Variants in SVIL observed in about 807,000 individuals in gnomAD.
The protein encoded by SVIL is archvillin.
Under a neutral mutation model 240.4 loss-of-function variants are expected in SVIL, and 101 were observed. The observed-to-expected ratio is 0.42, with a 90% CI of 0.36 to 0.50. The LOEUF (loss-of-function observed/expected upper bound fraction) is 0.50. Among genes scored for constraint, SVIL ranks in the 20% least tolerant of loss-of-function variants. The probability of loss-of-function intolerance (pLI) is 0.01; values close to 1 mark genes in which losing one functional copy is unlikely to be tolerated. For synonymous variants in SVIL, 999 were observed against 1,100.0 expected (o/e 0.91, Z 1.82); for missense variants, 2,512 against 2,818.7 (o/e 0.89, Z 2.46).
At chr10:29,474,560 A>G (rs922163290) in intron 29 of SVIL, among the ~76,000 whole-genome samples, 7 of 151,852 alleles carry the variant, frequency 4.6e-5, no homozygotes, top group South Asian at 2.1e-4. Context: ...GTGTCACTGC[A>G]CTCCAGCCTG....
chr10:29,631,613 A>G (rs1276941031), intron 1 of SVIL, among the ~76,000 whole-genome samples: 2 of 151,902 alleles, frequency 1.3e-5, no homozygotes, highest in African/African-American at 4.8e-5. Context: ...CATCTTTACT[A>G]AATATACAAG....
intron 1 of SVIL, among the ~76,000 whole-genome samples, chr10:29,587,263 C>CAGTA (rs1236538124): frequency 3.9e-5 from 6 of 152,228 alleles, no homozygotes; most frequent in African/African-American, 1.2e-4. Context: ...ATTAATAGAA[C>CAGTA]AGTACTAGGC....
At chr10:29,617,973 A>G (rs1957490949) in intron 1 of SVIL, among the ~76,000 whole-genome samples, 1 of 152,252 alleles carries the variant, frequency 6.6e-6, no homozygotes, top group Non-Finnish European at 1.5e-5. Flanking sequence ...TCATTACATT[A>G]TCATGGGCCA....
chr10:29,468,555 C>T (rs1235031483), intron 32 of SVIL, among the ~76,000 whole-genome samples: 1 of 151,460 alleles, frequency 6.6e-6, no homozygotes, highest in Non-Finnish European at 1.5e-5. Context: ...ATTTTCACAT[C>T]CTTGCCAATA....
At chr10:29,522,348 C>T in intron 16 of SVIL, 62 bp downstream of exon 16, 2 of 1,553,768 alleles carry the variant, frequency 1.3e-6, no homozygotes, top group Non-Finnish European at 1.8e-6. Flanking sequence ...AGATTGTTTT[C>T]TAAAAGCAAG....
At chr10:29,516,495 GC>G (rs1412095007) in intron 16 of SVIL, among the ~76,000 whole-genome samples, 1 of 152,216 alleles carries the variant, frequency 6.6e-6, no homozygotes, top group Non-Finnish European at 1.5e-5. Context: ...CCTCCTGTGA[GC>G]TCACAGCCCT....
intron 36 of SVIL, among the ~76,000 whole-genome samples, chr10:29,459,855 C>T (rs1220327822): frequency 6.6e-6 from 1 of 152,086 alleles, no homozygotes; most frequent in African/African-American, 2.4e-5. Flanking sequence ...CTGTAGGAGG[C>T]TGAGGTGGGA....
intron 6 of SVIL, among the ~76,000 whole-genome samples, chr10:29,547,278 G>A (rs4749450): frequency 0.42 from 63,539 of 151,950 alleles, 13,361 homozygotes; most frequent in East Asian, 0.44. Context: ...TGTCAAATTT[G>A]TCACACATTT....
At chr10:29,553,631 T>G (rs11007647) in intron 5 of SVIL, among the ~76,000 whole-genome samples, 78,429 of 151,812 alleles carry the variant, frequency 0.52, 20,529 homozygotes, top group African/African-American at 0.61. Context: ...GCAGCACAGC[T>G]CCTCAGAGCC....
intron 3 of SVIL, among the ~76,000 whole-genome samples, chr10:29,644,452 G>A (rs1958590210): frequency 6.6e-6 from 1 of 152,110 alleles, no homozygotes; most frequent in Admixed American, 6.6e-5. Context: ...CTGTAGCCCA[G>A]TGAAGGTTCC....
intron 1 of SVIL, among the ~76,000 whole-genome samples, chr10:29,627,010 C>T (rs1044207039): frequency 6.6e-6 from 1 of 150,778 alleles, no homozygotes; most frequent in Non-Finnish European, 1.5e-5. Flanking sequence ...GGAGACTGAG[C>T]GAGACTCCAT....
Position 29,457,410 on chromosome 10 carries a change from A to G in SVIL, c.*837T>C, listed in dbSNP as rs980814523. The G allele has an allele frequency of 7.2e-6, 1 of 139,194 alleles. No homozygotes were observed. Among genetic ancestry groups the G allele is most frequent in the Non-Finnish European group, 1.6e-5 (1 of 64,408 alleles). The allele number at this position is 139,194 out of a possible 1,614,324, so 8.6% of individuals were successfully genotyped here. On this transcript the variant is annotated 3_prime_UTR_variant, in exon 38 of 38. Transcript: ENST00000355867. ...TGGGAGTCCTATATCACAAAATGAC[A>G]TGTGTACTGTTTACAACCGGTATTA...
chr10:29,508,549 G>C (rs535019395), intron 17 of SVIL: 42 of 437,560 alleles, frequency 9.6e-5, no homozygotes, highest in Admixed American at 7.7e-4. Flanking sequence ...AACTCATTCC[G>C]TGACCGCAGA....
intron 2 of SVIL, among the ~76,000 whole-genome samples, chr10:29,672,457 G>C (rs1218531075): frequency 6.6e-6 from 1 of 152,114 alleles, no homozygotes; most frequent in East Asian, 1.9e-4. Context: ...CTGGGCGACA[G>C]AGCAAGATCC....
intron 1 of SVIL, among the ~76,000 whole-genome samples, chr10:29,687,207 G>A (rs1418806176): frequency 2.6e-5 from 4 of 152,140 alleles, no homozygotes; most frequent in Admixed American, 6.6e-5. Flanking sequence ...ATTCGATTCC[G>A]CACTGATAAT....
Position 29,480,648 on chromosome 10 carries a change from C to T in SVIL, c.5266G>A (p.Val1756Ile), listed in dbSNP as rs763218941. ...TAGTCGAATTCCAGGATGTGCCAGA[C>T]ATCCACGGAAACGCTGGTGATCTCA... ...QFEITSVSVD[V>I]WHILEFDYSR... is the part of the protein sequence containing the mutation. Residue 1756 changes from valine (V) to isoleucine (I), a missense_variant, in exon 29 of 38, where the codon GTC (valine) becomes ATC (isoleucine). This residue lies in a region of SVIL where 797 missense variants were observed against 925.3 expected (regional missense o/e 0.86). Coordinates refer to ENST00000355867, the MANE Select transcript of SVIL (RefSeq NM_021738.3). The T allele has an allele frequency of 2.6e-5, 42 of 1,614,114 alleles. No individual in the cohort carries two copies. Among genetic ancestry groups the T allele is most frequent in the African/African-American group, 4.0e-5 (3 of 74,944 alleles).
chr10:29,476,869 A>G (rs1408923140), intron 29 of SVIL, among the ~76,000 whole-genome samples: 1 of 151,982 alleles, frequency 6.6e-6, no homozygotes, highest in Admixed American at 6.6e-5. Flanking sequence ...CTTCTGGGCT[A>G]TTCTTTTTTT....
At chr10:29,594,820 G>T (rs1349279764) in intron 1 of SVIL, among the ~76,000 whole-genome samples, 2 of 152,186 alleles carry the variant, frequency 1.3e-5, no homozygotes, top group African/African-American at 4.8e-5. Context: ...GCCTTCCAAA[G>T]CATTGGGATT....
At chr10:29,644,650 G>A (rs1379252226) in intron 3 of SVIL, among the ~76,000 whole-genome samples, 2 of 152,114 alleles carry the variant, frequency 1.3e-5, no homozygotes, top group East Asian at 1.9e-4. Flanking sequence ...CAGCCTGGGC[G>A]GCAGAGCAAG....
Sources: gnomAD v4.1 joint callset for allele counts (sites outside exome capture counted in the v4.1 genomes callset) on GRCh38, gnomAD v4.1.1 for gene constraint, gnomAD v4.1.1 regional missense constraint, MANE v1.5 for transcripts, NCBI Gene and HGNC (gene_info 2026-07-23, HGNC 2026-07-21) for gene names.